ADGRL3: variants seen among roughly 807,000 people sequenced by gnomAD.
ADGRL3 encodes the protein adhesion G protein-coupled receptor L3.
ADGRL3 carries 62 observed loss-of-function variants against 153.5 expected under a neutral mutation model. The ratio of observed to expected loss-of-function variants is 0.40; its 90% CI spans 0.33 to 0.50. The LOEUF is 0.50. Ranked by LOEUF, ADGRL3 falls within the 20% of genes least tolerant of loss-of-function variation. The pLI, the probability that ADGRL3 is intolerant of heterozygous loss-of-function variation, is 0.47. For missense variants in ADGRL3, 1,641 were observed against 1,859.4 expected (o/e 0.88, Z 2.16); for synonymous variants, 710 against 672.5 (o/e 1.06, Z -0.86).
chr4:61,692,936 A>G (rs1323541505), intron 6 of ADGRL3, among the ~76,000 whole-genome samples: 1 of 152,102 alleles, frequency 6.6e-6, no homozygotes, highest in Non-Finnish European at 1.5e-5. Flanking sequence ...GAAAATTATT[A>G]TGCTCCAGTC....
intron 2 of ADGRL3, among the ~76,000 whole-genome samples, chr4:61,480,065 T>C (rs2152730042): frequency 1.3e-5 from 2 of 152,268 alleles, no homozygotes. Context: ...CTCAGCAAAT[T>C]TCAAGCATGT....
At chr4:61,248,406 C>A (rs1757918967) in intron 1 of ADGRL3, among the ~76,000 whole-genome samples, 1 of 152,092 alleles carries the variant, frequency 6.6e-6, no homozygotes, top group Non-Finnish European at 1.5e-5. Flanking sequence ...ATTTTCACTG[C>A]CTCAGTCAAT....
intron 9 of ADGRL3, among the ~76,000 whole-genome samples, chr4:61,834,030 A>G (rs757137331): frequency 6.8e-6 from 1 of 146,724 alleles, no homozygotes; most frequent in Non-Finnish European, 1.5e-5. Flanking sequence ...CTAGTTACAT[A>G]TGTATACATG....
intron 1 of ADGRL3, among the ~76,000 whole-genome samples, chr4:61,341,551 G>A (rs1456404632): frequency 1.3e-5 from 2 of 151,296 alleles, no homozygotes; most frequent in Non-Finnish European, 3.0e-5. Context: ...ACACATTTAT[G>A]TTATGCACAT....
intron 5 of ADGRL3, among the ~76,000 whole-genome samples, chr4:61,616,653 A>T (rs1042701029): frequency 1.3e-5 from 2 of 152,108 alleles, no homozygotes; most frequent in Non-Finnish European, 2.9e-5. Context: ...TATGATTTTG[A>T]TTGATACTTG....
chr4:61,430,829 A>G lies in ADGRL3; in HGVS notation c.-174+47640A>G, dbSNP rs960416896. 3.9e-5 allele frequency among the ~76,000 whole-genome samples: 6 copies of G among 152,274 alleles called. No individual in the cohort carries two copies. The East Asian group carries it at 1.2e-3, about 29-fold the overall frequency. ...AGTGCAACACATATCTGATATGCTGATATCAGAATATATTCTCCTGCATAT... is the reference window on the plus strand; with the variant it reads ...AGTGCAACACATATCTGATATGCTGGTATCAGAATATATTCTCCTGCATAT... On this transcript the variant is annotated intron_variant, in intron 2 of 26. Coordinates refer to ENST00000683033, the MANE Select transcript of ADGRL3 (RefSeq NM_001387552.1).
intron 9 of ADGRL3, among the ~76,000 whole-genome samples, chr4:61,845,277 C>T (rs1194087152): frequency 6.6e-6 from 1 of 151,808 alleles, no homozygotes. Context: ...ATGCAGATTT[C>T]CCATTATCTT....
intron 1 of ADGRL3, among the ~76,000 whole-genome samples, chr4:61,379,493 T>C (rs564562343): frequency 1.3e-5 from 2 of 152,164 alleles, no homozygotes; most frequent in Admixed American, 6.6e-5. Context: ...CTCTAACTCG[T>C]TGTATTGTTT....
intron 5 of ADGRL3, among the ~76,000 whole-genome samples, chr4:61,655,347 AATTTGAAAATT>A (rs1186695181): frequency 6.6e-6 from 1 of 152,192 alleles, no homozygotes; most frequent in African/African-American, 2.4e-5. Context: ...TCTGTGATGC[AATTTGAAAATT>A]ATACATTCAA....
At chr4:61,209,592 T>A (rs1038871613) in intron 1 of ADGRL3, among the ~76,000 whole-genome samples, 1 of 152,156 alleles carries the variant, frequency 6.6e-6, no homozygotes, top group Non-Finnish European at 1.5e-5. Context: ...TGTATTTATC[T>A]TTACTATGTT....
At chr4:61,406,410 A>C (rs2096997135) in intron 2 of ADGRL3, among the ~76,000 whole-genome samples, 1 of 151,888 alleles carries the variant, frequency 6.6e-6, no homozygotes, top group South Asian at 2.1e-4. Flanking sequence ...TATATAAATT[A>C]ATAATACATT....
chr4:61,340,910 A>C (rs1377259816), intron 1 of ADGRL3, among the ~76,000 whole-genome samples: 1 of 151,900 alleles, frequency 6.6e-6, no homozygotes, highest in East Asian at 1.9e-4. Context: ...TCATCATTCA[A>C]AAACTATTGA....
At chr4:61,691,658 C>G (rs1053514341) in intron 6 of ADGRL3, among the ~76,000 whole-genome samples, 1 of 152,144 alleles carries the variant, frequency 6.6e-6, no homozygotes, top group African/African-American at 2.4e-5. Context: ...TTAACAAAGT[C>G]TATCTAATAC....
At chr4:61,408,011 G>A (rs1376849403) in intron 2 of ADGRL3, among the ~76,000 whole-genome samples, 5 of 152,118 alleles carry the variant, frequency 3.3e-5, no homozygotes, top group Non-Finnish European at 4.4e-5. Context: ...TCTATATTAC[G>A]TCATTTCTGA....
At chr4:61,571,091 A>G (rs1208548154) in intron 4 of ADGRL3, among the ~76,000 whole-genome samples, 1 of 152,044 alleles carries the variant, frequency 6.6e-6, no homozygotes, top group African/African-American at 2.4e-5. Flanking sequence ...GATGCAAGAG[A>G]TGATCTTAGG....
chr4:61,515,748 A>C (rs2098489773), intron 3 of ADGRL3, among the ~76,000 whole-genome samples: 1 of 152,198 alleles, frequency 6.6e-6, no homozygotes, highest in African/African-American at 2.4e-5. Flanking sequence ...GTAGTAACAA[A>C]GATATTAGAG....
At chr4:62,023,744 A>G (rs1157243066) in intron 21 of ADGRL3, among the ~76,000 whole-genome samples, 2 of 152,158 alleles carry the variant, frequency 1.3e-5, no homozygotes, top group Admixed American at 1.3e-4. Flanking sequence ...AAATCAAGGT[A>G]TGTATAGTGT....
chr4:61,836,896 G>A (rs1274858054), intron 9 of ADGRL3, among the ~76,000 whole-genome samples: 1 of 152,004 alleles, frequency 6.6e-6, no homozygotes, highest in Non-Finnish European at 1.5e-5. Flanking sequence ...AATCGAAATC[G>A]AAGACTTAGG....
At position 62,076,393 on chromosome 4, in the gene ADGRL3, G is replaced by C. The variant is rs1315170720; in HGVS notation, c.*5485G>C. 1 of 151,982 alleles carries C rather than the reference G, an allele frequency of 6.6e-6. No homozygotes were observed. Among genetic ancestry groups the C allele is most frequent in the African/African-American group, 2.4e-5 (1 of 41,418 alleles). The allele number at this position is 151,982 out of a possible 1,614,324, so 9.4% of individuals were successfully genotyped here. ...ACTTTGATTTATGTGAAGAAATCAA[G>C]AAAGACTATACATGAACAAATCTCT... On this transcript the variant is annotated 3_prime_UTR_variant, in exon 27 of 27. Coordinates refer to ENST00000683033, the MANE Select transcript of ADGRL3 (RefSeq NM_001387552.1).
Sources: allele counts gnomAD v4.1 joint callset (sites outside exome capture counted in the v4.1 genomes callset), GRCh38; gene constraint gnomAD v4.1.1; transcripts MANE v1.5; gene names NCBI Gene and HGNC (gene_info 2026-07-23, HGNC 2026-07-21).